The following TAFA2 variants were observed in gnomAD, a reference collection of about 807,000 sequenced individuals.
TAFA2 encodes the protein TAFA chemokine like family member 2.
TAFA2 carries 7 observed loss-of-function variants against 18.8 expected under a neutral mutation model. The observed-to-expected ratio is 0.37, with a 90% CI of 0.21 to 0.70. TAFA2 has a LOEUF of 0.70. Ranked by LOEUF, TAFA2 falls within the 30% of genes least tolerant of loss-of-function variation. The pLI is 0.53. For synonymous variants in TAFA2, 60 were observed against 54.2 expected (o/e 1.11, Z -0.47); for missense variants, 122 against 158.1 (o/e 0.77, Z 1.23).
intron 2 of TAFA2, among the ~76,000 whole-genome samples, chr12:61,804,244 A>G (rs1275497768): frequency 6.6e-6 from 1 of 152,026 alleles, no homozygotes; most frequent in African/African-American, 2.4e-5. Flanking sequence ...AAATTTAACA[A>G]GCAATTGACA....
intron 1 of TAFA2, among the ~76,000 whole-genome samples, chr12:61,872,023 T>C (rs1204719005): frequency 2.0e-5 from 3 of 151,894 alleles, no homozygotes; most frequent in Non-Finnish European, 2.9e-5. Flanking sequence ...ACCCGGGAGG[T>C]AGAGCTTGCA....
chr12:61,999,274 C>A (rs1565710742), intron 1 of TAFA2, among the ~76,000 whole-genome samples: 1 of 152,162 alleles, frequency 6.6e-6, no homozygotes, highest in Admixed American at 6.5e-5. Context: ...ATAGCCTCAG[C>A]ACAATACAAT....
chr12:62,054,887 G>C (rs193065863), intron 1 of TAFA2, among the ~76,000 whole-genome samples: 156 of 152,230 alleles, frequency 1.0e-3, no homozygotes, highest in African/African-American at 3.6e-3. Context: ...TTTTAAAACA[G>C]TATTTTTTTA....
chr12:62,134,261 G>A (rs1870806454), intron 1 of TAFA2, among the ~76,000 whole-genome samples: 1 of 151,914 alleles, frequency 6.6e-6, no homozygotes, highest in African/African-American at 2.4e-5. Flanking sequence ...CAATATGATG[G>A]TATTAGAGGT....
At chr12:62,180,106 G>A (rs1417514217) in intron 1 of TAFA2, among the ~76,000 whole-genome samples, 1 of 152,152 alleles carries the variant, frequency 6.6e-6, no homozygotes, top group Non-Finnish European at 1.5e-5. Context: ...TCTGCTCCAA[G>A]GTAAAATTCA....
chr12:61,728,153 A>G lies in TAFA2; in HGVS notation c.385-17736T>C, dbSNP rs540948818. ...TGTTTTGTGGCCTATCATATGGTCTATCTTGGAGAATGCTCCATATGCTGA... is the reference window on the plus strand; with the variant it reads ...TGTTTTGTGGCCTATCATATGGTCTGTCTTGGAGAATGCTCCATATGCTGA... On this transcript the variant is annotated intron_variant, in intron 4 of 4. Coordinates refer to ENST00000416284, the MANE Select transcript of TAFA2 (RefSeq NM_178539.5). 4.0e-5 allele frequency among the ~76,000 whole-genome samples: 6 copies of G among 150,248 alleles called. No individual in the cohort carries two copies. The East Asian group carries it at 7.9e-4, about 20-fold the overall frequency.
At chr12:62,001,311 G>C (rs1319277931) in intron 1 of TAFA2, among the ~76,000 whole-genome samples, 2 of 152,110 alleles carry the variant, frequency 1.3e-5, no homozygotes, top group African/African-American at 4.8e-5. Flanking sequence ...AGGCAGCAGG[G>C]AGTGGTTTTG....
chr12:61,914,783 T>A (rs1400425731), intron 1 of TAFA2, among the ~76,000 whole-genome samples: 2 of 152,140 alleles, frequency 1.3e-5, no homozygotes, highest in Non-Finnish European at 2.9e-5. Flanking sequence ...CAGATAAGAT[T>A]TTTATTCTCT....
At chr12:62,220,068 G>A (rs1565782125) in intron 1 of TAFA2, among the ~76,000 whole-genome samples, 1 of 151,962 alleles carries the variant, frequency 6.6e-6, no homozygotes, top group African/African-American at 2.4e-5. Flanking sequence ...AGATGCAATT[G>A]TTTTATTTAA....
At chr12:62,013,491 G>A (rs1880833982) in intron 1 of TAFA2, among the ~76,000 whole-genome samples, 1 of 152,268 alleles carries the variant, frequency 6.6e-6, no homozygotes, top group South Asian at 2.1e-4. Flanking sequence ...TAAAATTCCA[G>A]TATCTAATCC....
intron 2 of TAFA2, among the ~76,000 whole-genome samples, chr12:61,787,399 T>C (rs1870784018): frequency 6.6e-6 from 1 of 151,624 alleles, no homozygotes; most frequent in South Asian, 2.1e-4. Context: ...TAAGTTTATA[T>C]TCAAACTCAG....
chr12:61,800,135 T>G (rs563580276), intron 2 of TAFA2, among the ~76,000 whole-genome samples: 1 of 152,308 alleles, frequency 6.6e-6, no homozygotes, highest in African/African-American at 2.4e-5. Context: ...GTAATAAAAT[T>G]AGTGATCAAG....
At chr12:61,734,843 A>T (rs1868278311) in intron 4 of TAFA2, among the ~76,000 whole-genome samples, 1 of 151,958 alleles carries the variant, frequency 6.6e-6, no homozygotes, top group East Asian at 1.9e-4. Flanking sequence ...AACTACCTTT[A>T]TATTATTTTC....
At chr12:61,968,803 T>C (rs553387715) in intron 1 of TAFA2, among the ~76,000 whole-genome samples, 3 of 151,642 alleles carry the variant, frequency 2.0e-5, no homozygotes, top group African/African-American at 7.2e-5. Flanking sequence ...TGCCCCAGAG[T>C]TCATGACTCT....
intron 1 of TAFA2, among the ~76,000 whole-genome samples, chr12:61,933,740 C>T (rs1877656955): frequency 6.6e-6 from 1 of 152,102 alleles, no homozygotes; most frequent in South Asian, 2.1e-4. Context: ...ATCTAAGGAG[C>T]AGCTGTTGTA....
intron 1 of TAFA2, among the ~76,000 whole-genome samples, chr12:62,011,146 C>T (rs558566462): frequency 4.7e-5 from 7 of 150,084 alleles, no homozygotes; most frequent in Non-Finnish European, 8.9e-5. Flanking sequence ...CCGGCCGCCC[C>T]GTCTGGGAAA....
chr12:62,149,439 C>T (rs184476580), intron 1 of TAFA2, among the ~76,000 whole-genome samples: 288 of 151,694 alleles, frequency 1.9e-3, no homozygotes, highest in Middle Eastern at 3.5e-3. Context: ...CATTCTGAAC[C>T]GAAAGGATTT....
chr12:62,125,043 C>T (rs1870391897), intron 1 of TAFA2, among the ~76,000 whole-genome samples: 1 of 152,120 alleles, frequency 6.6e-6, no homozygotes, highest in South Asian at 2.1e-4. Flanking sequence ...CTTCTAAGCA[C>T]AGCTCTTTTA....
intron 2 of TAFA2, among the ~76,000 whole-genome samples, chr12:61,821,379 A>G (rs1467534143): frequency 6.6e-6 from 1 of 152,114 alleles, no homozygotes; most frequent in Non-Finnish European, 1.5e-5. Context: ...TAGAAAACCA[A>G]GACACACCTA....
Sources: gnomAD v4.1 joint callset for allele counts (sites outside exome capture counted in the v4.1 genomes callset) on GRCh38, gnomAD v4.1.1 for gene constraint, MANE v1.5 for transcripts, NCBI Gene and HGNC (gene_info 2026-07-23, HGNC 2026-07-21) for gene names.